GRK5: variants seen among roughly 807,000 people sequenced by gnomAD.
GRK5 encodes G protein-coupled receptor kinase 5.
In GRK5, 40 loss-of-function variants were observed where a neutral mutation model predicts 78.4. The observed-to-expected ratio is 0.51, with a 90% CI of 0.40 to 0.66. GRK5 has a LOEUF of 0.66. Ranked by LOEUF, GRK5 falls within the 30% of genes least tolerant of loss-of-function variation. The pLI, the probability that GRK5 is intolerant of heterozygous loss-of-function variation, is 0.00. For synonymous variants in GRK5, 289 were observed against 296.8 expected, an observed-to-expected ratio of 0.97 and a Z score of 0.27; for missense variants, 598 against 759.9, an observed-to-expected ratio of 0.79 and a Z score of 2.50.
intron 4 of GRK5, among the ~76,000 whole-genome samples, chr10:119,420,891 T>C (rs113665780): frequency 1.0e-3 from 159 of 152,328 alleles, no homozygotes; most frequent in African/African-American, 3.5e-3. Context: ...TGGCTTCATC[T>C]TCATCTTTTA....
At chr10:119,343,782 T>C (rs961707954) in intron 2 of GRK5, among the ~76,000 whole-genome samples, 1 of 152,204 alleles carries the variant, frequency 6.6e-6, no homozygotes, top group Non-Finnish European at 1.5e-5. Flanking sequence ...TCATCTCTGA[T>C]AGCCGCTGTC....
chr10:119,242,289 G>A (rs998152101), intron 1 of GRK5, among the ~76,000 whole-genome samples: 1 of 151,972 alleles, frequency 6.6e-6, no homozygotes, highest in Admixed American at 6.6e-5. Flanking sequence ...ACTGCCAGGT[G>A]GGGAGCCCGA....
intron 1 of GRK5, among the ~76,000 whole-genome samples, chr10:119,246,019 C>CAAAAAAAAAAAAAA (rs941734040): frequency 7.1e-5 from 1 of 14,036 alleles, no homozygotes; most frequent in East Asian, 1.8e-3. Context: ...GACTCCATCT[C>CAAAAAAAAAAAAAA]AAAAAAAAAA....
intron 1 of GRK5, among the ~76,000 whole-genome samples, chr10:119,254,778 G>C (rs1343507832): frequency 1.3e-5 from 2 of 152,142 alleles, no homozygotes; most frequent in Non-Finnish European, 2.9e-5. Context: ...AAACAGGCCG[G>C]GCACGGTGGC....
intron 1 of GRK5, among the ~76,000 whole-genome samples, chr10:119,224,075 A>T (rs2133713944): frequency 6.6e-6 from 1 of 152,262 alleles, no homozygotes; most frequent in African/African-American, 2.4e-5. Context: ...AGATCACTTG[A>T]GCCAGGAGTT....
chr10:119,318,635 C>T (rs1334873791), intron 1 of GRK5, among the ~76,000 whole-genome samples: 1 of 152,096 alleles, frequency 6.6e-6, no homozygotes, highest in Non-Finnish European at 1.5e-5. Context: ...TGCTCAGAAT[C>T]CATCATCGCT....
intron 4 of GRK5, among the ~76,000 whole-genome samples, chr10:119,417,608 G>T (rs978588221): frequency 1.3e-5 from 2 of 152,022 alleles, no homozygotes; most frequent in Admixed American, 6.6e-5. Context: ...TGAATCGTTA[G>T]TGGTCAGCAA....
chr10:119,221,157 G>GAA (rs74495139), intron 1 of GRK5, among the ~76,000 whole-genome samples: 1 of 144,676 alleles, frequency 6.9e-6, no homozygotes, highest in African/African-American at 2.5e-5. Context: ...CTATATCTCG[G>GAA]AAAAAAAAAA....
intron 6 of GRK5, among the ~76,000 whole-genome samples, chr10:119,428,639 C>G (rs1410408915): frequency 1.3e-5 from 2 of 152,190 alleles, no homozygotes; most frequent in African/African-American, 4.8e-5. Flanking sequence ...CCCATAGCAG[C>G]CTTTGTCGGT....
Position 119,448,191 on chromosome 10 carries a change from C to A in GRK5, c.1335C>A (p.His445Gln). 3 of 1,591,122 alleles carry A rather than the reference C, an allele frequency of 1.9e-6. No individual in the cohort carries two copies. The highest frequency in any genetic ancestry group is 1.1e-5 in the South Asian group (1 of 87,796). Residue 445 changes from histidine (H) to glutamine (Q), a missense_variant, in exon 13 of 16, where the codon CAC becomes CAA. Physicochemically the swap from His to Gln is conservative, Grantham distance 24. Coordinates refer to ENST00000392870, the MANE Select transcript of GRK5 (RefSeq NM_005308.3). ...QEEGAAEVKR[H>Q]PFFRNMNFKR... ...AGGGGGCTGCAGAGGTCAAGAGACACCCCTTCTTCAGGAACATGAACTTCA... is the reference window on the plus strand; with the variant it reads ...AGGGGGCTGCAGAGGTCAAGAGACAACCCTTCTTCAGGAACATGAACTTCA...
At chr10:119,266,386 G>A (rs1849496607) in intron 1 of GRK5, among the ~76,000 whole-genome samples, 2 of 152,056 alleles carry the variant, frequency 1.3e-5, no homozygotes, top group Admixed American at 6.5e-5. Context: ...AACCCAGGAG[G>A]TGGAGGTTGC....
chr10:119,370,669 G>A (rs1465791556), intron 2 of GRK5, among the ~76,000 whole-genome samples: 1 of 152,134 alleles, frequency 6.6e-6, no homozygotes, highest in Non-Finnish European at 1.5e-5. Context: ...CGGAGCAAAC[G>A]CCCGATTGTT....
At chr10:119,360,125 G>C (rs1257021131) in intron 2 of GRK5, among the ~76,000 whole-genome samples, 1 of 151,628 alleles carries the variant, frequency 6.6e-6, no homozygotes, top group African/African-American at 2.4e-5. Flanking sequence ...GAGGGAGGCA[G>C]GGAGGGAGGC....
At chr10:119,424,674 G>T (rs1001206855) in intron 5 of GRK5, among the ~76,000 whole-genome samples, 1 of 151,596 alleles carries the variant, frequency 6.6e-6, no homozygotes, top group Non-Finnish European at 1.5e-5. Flanking sequence ...CATTCATGAT[G>T]ACATACCTCT....
intron 1 of GRK5, among the ~76,000 whole-genome samples, chr10:119,270,094 G>T (rs1056386044): frequency 1.3e-5 from 2 of 152,178 alleles, no homozygotes; most frequent in Non-Finnish European, 2.9e-5. Context: ...GGCATTCAGG[G>T]TTGGGCATAA....
At chr10:119,279,127 G>A (rs568256840) in intron 1 of GRK5, among the ~76,000 whole-genome samples, 8 of 151,944 alleles carry the variant, frequency 5.3e-5, no homozygotes, top group East Asian at 1.9e-4. Flanking sequence ...TGATCCACCC[G>A]CCTTGGCCTC....
At chr10:119,354,602 A>G (rs1851238859) in intron 2 of GRK5, among the ~76,000 whole-genome samples, 1 of 151,986 alleles carries the variant, frequency 6.6e-6, no homozygotes, top group Non-Finnish European at 1.5e-5. Flanking sequence ...GGGTTTTGCC[A>G]TGTTGCCCAG....
chr10:119,335,164 CTCTCTCTCT>C, intron 2 of GRK5, among the ~76,000 whole-genome samples: 1 of 143,262 alleles, frequency 7.0e-6, no homozygotes, highest in African/African-American at 2.8e-5. Context: ...CTCTCTCTCT[CTCTCTCTCT>C]CTCCCCCTCT....
chr10:119,311,830 CAG>C (rs1470061307), intron 1 of GRK5, among the ~76,000 whole-genome samples: 1 of 149,994 alleles, frequency 6.7e-6, no homozygotes, highest in Non-Finnish European at 1.5e-5. Context: ...TTCCTAGTGA[CAG>C]AAATGTTTTA....
Sources: gnomAD v4.1 joint callset for allele counts (sites outside exome capture counted in the v4.1 genomes callset) on GRCh38, gnomAD v4.1.1 for gene constraint, MANE v1.5 for transcripts, NCBI Gene and HGNC (gene_info 2026-07-23, HGNC 2026-07-21) for gene names.